MPRIP: variants seen among roughly 807,000 people sequenced by gnomAD.
MPRIP encodes the protein myosin phosphatase Rho interacting protein.
MPRIP carries 59 observed loss-of-function variants against 234.9 expected under a neutral mutation model. The ratio of observed to expected loss-of-function variants is 0.25; its 90% CI spans 0.20 to 0.31. The LOEUF is 0.31. Among genes scored for constraint, MPRIP ranks in the 10% least tolerant of loss-of-function variants. MPRIP has a pLI of 1.00. For missense variants in MPRIP, 2,436 were observed against 3,071.0 expected (o/e 0.79, Z 4.89); for synonymous variants, 1,144 against 1,263.9 (o/e 0.91, Z 2.01).
At chr17:17,057,868 T>C (rs2143900015) in intron 1 of MPRIP, 2 of 591,122 alleles carry the variant, frequency 3.4e-6, no homozygotes, top group Non-Finnish European at 6.0e-6. Context: ...TTTAATAGAA[T>C]GCAATATTGG....
chr17:17,156,575 G>A (rs1356227711), intron 13 of MPRIP, among the ~76,000 whole-genome samples: 2 of 152,242 alleles, frequency 1.3e-5, no homozygotes, highest in South Asian at 2.1e-4. Flanking sequence ...TTGAAGTCCT[G>A]GGGTGGGGAA....
Position 17,187,066 on chromosome 17 carries a change from C to G in MPRIP, c.*2172C>G, listed in dbSNP as rs1311322418. 2 of 152,338 alleles carry G rather than the reference C, an allele frequency of 1.3e-5. No individual in the cohort carries two copies. Among genetic ancestry groups the G allele is most frequent in the African/African-American group, 4.8e-5 (2 of 41,464 alleles). 9.4% of individuals were successfully genotyped at this position (152,338 alleles called of 1,614,324 possible). A position where few individuals can be genotyped will look rare whatever the true frequency, so the allele number is the denominator to read the frequency against. ...CTGGGGGTGGACCCCACTGGCCCTT[C>G]TGCAGACAGCTCCCTGCCTTCTGCC... On this transcript the variant is annotated 3_prime_UTR_variant, in exon 24 of 24. Coordinates refer to ENST00000651222, the MANE Select transcript of MPRIP (RefSeq NM_001364716.4).
At chr17:17,087,541 G>A (rs1424176820) in intron 3 of MPRIP, among the ~76,000 whole-genome samples, 1 of 152,212 alleles carries the variant, frequency 6.6e-6, no homozygotes, top group African/African-American at 2.4e-5. Flanking sequence ...GTCACCCTGG[G>A]TCATTCTGGA....
intron 3 of MPRIP, among the ~76,000 whole-genome samples, chr17:17,113,486 T>C (rs1332064805): frequency 6.6e-6 from 1 of 152,244 alleles, no homozygotes; most frequent in Non-Finnish European, 1.5e-5. Flanking sequence ...CTTTCCTTTT[T>C]ATGGCTGAAT....
intron 23 of MPRIP, 81 bp from the exon 24 acceptor site, chr17:17,184,742 G>A (rs748215826): frequency 1.5e-5 from 16 of 1,035,664 alleles, no homozygotes; most frequent in African/African-American, 6.3e-5. Flanking sequence ...CTCCACCAGC[G>A]GTCCGGTCTG....
rs539217504 is a variant in MPRIP, at chr17:17,061,319, G to C, written c.124-14391G>C. Among the ~76,000 whole-genome samples the C allele has an allele frequency of 3.9e-5, 6 of 152,340 alleles. No homozygotes were observed. In the South Asian group the frequency reaches 1.0e-3, roughly 26 times the overall value. On this transcript the variant is annotated intron_variant, in intron 1 of 23. Transcript: ENST00000651222. ...CATGATTTACAAGCTTAGAAAGAGG[G>C]CCAGACGGCTGCTACCCAGGTATCC...
rs779346979 is a variant in MPRIP at position 17,096,825 on chromosome 17, A to C, written c.267+18749A>C. 66 of 471,000 alleles carry C rather than the reference A, an allele frequency of 1.4e-4. 1 individual carries two copies. Among genetic ancestry groups the C allele is most frequent in the South Asian group, 1.0e-3 (66 of 64,558 alleles). The allele number at this position is 471,000 out of a possible 1,614,324, so 29.2% of individuals were successfully genotyped here. ...GGAAACCACAAGGGAGCTTGGATTCATTCACCCATTGCTGCCTTGCTGTGT... is the reference window on the plus strand; with the variant it reads ...GGAAACCACAAGGGAGCTTGGATTCCTTCACCCATTGCTGCCTTGCTGTGT... On this transcript the variant is annotated intron_variant, in intron 3 of 23. Transcript: ENST00000651222.
At position 17,050,789 on chromosome 17, in the gene MPRIP, A is replaced by AGGGCAGAAGGGAGGAG. The variant is rs1172774834; in HGVS notation, c.123+7820_123+7821insGCAGAAGGGAGGAGGG. On this transcript the variant is annotated intron_variant, in intron 1 of 23. Coordinates refer to ENST00000651222, the MANE Select transcript of MPRIP (RefSeq NM_001364716.4). The stretch of plus-strand genomic sequence containing the variant: ...CAGAGTTTAGGGGCAGAAGGGAGGA[A>AGGGCAGAAGGGAGGAG]GGTCCTTGCCAGGGCCTCAGGCCTG... Among the ~76,000 whole-genome samples, 311 of 152,334 alleles carry AGGGCAGAAGGGAGGAG rather than the reference A, an allele frequency of 2.0e-3. 2 individuals are homozygous for AGGGCAGAAGGGAGGAG. Among genetic ancestry groups the AGGGCAGAAGGGAGGAG allele is most frequent in the South Asian group, 4.8e-3 (23 of 4,832 alleles).
intron 1 of MPRIP, among the ~76,000 whole-genome samples, chr17:17,065,178 G>A (rs1228800555): frequency 1.3e-5 from 2 of 152,084 alleles, no homozygotes; most frequent in African/African-American, 4.8e-5. Context: ...CTAAATACTA[G>A]TATATAGTCT....
rs149130015 is a variant in MPRIP, at chr17:17,098,541, G to A, written c.267+20465G>A. ...TTGAAAGGGTAGGGCTGCCTTTGTC[G>A]GGTCCGGAGGGCTGGCGTGGCATCG... On this transcript the variant is annotated intron_variant, in intron 3 of 23. Coordinates refer to ENST00000651222, the MANE Select transcript of MPRIP (RefSeq NM_001364716.4). 1.8e-4 allele frequency among the ~76,000 whole-genome samples: 27 copies of A among 152,320 alleles called. No individual in the cohort carries two copies. In the East Asian group the frequency reaches 3.1e-3, roughly 17 times the overall value.
chr17:17,078,429 G>T lies in MPRIP; in HGVS notation c.267+353G>T, dbSNP rs1821915366. Among the ~76,000 whole-genome samples the T allele has an allele frequency of 6.6e-6, 1 of 152,262 alleles. No homozygotes were observed. Among genetic ancestry groups the T allele is most frequent in the South Asian group, 2.1e-4 (1 of 4,832 alleles). Reference sequence around the variant, plus strand: ...CAGGCTGTGGACCTGTGGGCGTGGGGCAGGGGCTGGCCCTGGGGCTGGCAC... The same window carrying T: ...CAGGCTGTGGACCTGTGGGCGTGGGTCAGGGGCTGGCCCTGGGGCTGGCAC... On this transcript the variant is annotated intron_variant, in intron 3 of 23. Coordinates refer to ENST00000651222, the MANE Select transcript of MPRIP (RefSeq NM_001364716.4). The surrounding 1 kb of genome is among the most constrained non-coding windows in gnomAD (Gnocchi z 4.3).
chr17:17,068,338 C>CG (rs762199157), intron 1 of MPRIP, among the ~76,000 whole-genome samples: 83 of 151,750 alleles, frequency 5.5e-4, no homozygotes, highest in Admixed American at 1.3e-3. Flanking sequence ...TTAGTAGAGA[C>CG]GGGGTTTCTT....
intron 5 of MPRIP, among the ~76,000 whole-genome samples, chr17:17,133,987 G>A (rs2090646446): frequency 6.6e-6 from 1 of 152,154 alleles, no homozygotes; most frequent in Non-Finnish European, 1.5e-5. Flanking sequence ...CTCCTCTGGT[G>A]GAGCTGAAGG....
rs1190987759 is a variant in MPRIP, at chr17:17,164,784, CAGA to C, written c.3196_3198del (p.Lys1066del). The C allele has an allele frequency of 2.3e-6, 3 of 1,304,064 alleles. No individual in the cohort carries two copies. Among genetic ancestry groups the C allele is most frequent in the African/African-American group, 1.5e-5 (1 of 65,860 alleles). The allele number at this position is 1,304,064 out of a possible 1,614,324, so 80.8% of individuals were successfully genotyped here. A position where few individuals can be genotyped will look rare whatever the true frequency, so the allele number is the denominator to read the frequency against. ...TCAGGCACAGCAGGTGGAGACCCTG[CAGA>C]AGGAGAAGCTGAGCGCCACTTTCGA... On this transcript the variant is annotated inframe_deletion, in exon 16 of 24. Coordinates refer to ENST00000651222, the MANE Select transcript of MPRIP (RefSeq NM_001364716.4).
Position 17,042,661 on chromosome 17 carries a change from TGAGGCCCGGGCGGCTCAG to T in MPRIP, c.-184_-167del, listed in dbSNP as rs2088207078. 1 of 492,350 alleles carries T rather than the reference TGAGGCCCGGGCGGCTCAG, an allele frequency of 2.0e-6. No homozygotes were observed. The highest frequency in any genetic ancestry group is 2.1e-5 in the African/African-American group (1 of 46,902). The allele number at this position is 492,350 out of a possible 1,614,324, so 30.5% of individuals were successfully genotyped here. A position where few individuals can be genotyped will look rare whatever the true frequency, so the allele number is the denominator to read the frequency against. On this transcript the variant is annotated 5_prime_UTR_variant, in exon 1 of 24. Transcript: ENST00000651222. ...CGGGAGCTGGGCGTCGCGCGCGCTG[TGAGGCCCGGGCGGCTCAG>T]GAGCCTCGGCGCGTGCAGCGAACCG...
At chr17:17,170,638 C>T (rs540321919) in intron 16 of MPRIP, among the ~76,000 whole-genome samples, 3 of 152,334 alleles carry the variant, frequency 2.0e-5, no homozygotes, top group Non-Finnish European at 4.4e-5. Context: ...TGCAGGCTAT[C>T]AGCCCAGAGT....
At chr17:17,176,639 G>T (rs182414326) in intron 21 of MPRIP, 127 bp downstream of exon 21, 311 of 749,242 alleles carry the variant, frequency 4.2e-4, no homozygotes, top group Admixed American at 1.3e-3. Context: ...GAGGAAGGAG[G>T]TTTCCAAAAT....
chr17:17,100,696 C>T (rs1015781346), intron 3 of MPRIP, among the ~76,000 whole-genome samples: 11 of 151,962 alleles, frequency 7.2e-5, no homozygotes, highest in Non-Finnish European at 1.6e-4. Context: ...TGTCTCCCAT[C>T]ACCCTCAGAT....
Position 17,180,099 on chromosome 17 carries a change from G to A in MPRIP, c.7206+11G>A. On this transcript the variant is annotated intron_variant, in intron 23 of 23. Coordinates refer to ENST00000651222, the MANE Select transcript of MPRIP (RefSeq NM_001364716.4). ...AACATCAGGTCCAAGGTGAGTCTGGGGTCCAGCCCCCTGGTGGGAGGGGCT... is the reference window on the plus strand; with the variant it reads ...AACATCAGGTCCAAGGTGAGTCTGGAGTCCAGCCCCCTGGTGGGAGGGGCT... 6.4e-7 allele frequency: 1 copy of A among 1,568,534 alleles called. No homozygotes were observed. The highest frequency in any genetic ancestry group is 8.6e-7 in the Non-Finnish European group (1 of 1,163,140).
Sources: allele counts gnomAD v4.1 joint callset (sites outside exome capture counted in the v4.1 genomes callset), GRCh38; gene constraint gnomAD v4.1.1; non-coding constraint Gnocchi (gnomAD v3.1); transcripts MANE v1.5; gene names NCBI Gene and HGNC (gene_info 2026-07-23, HGNC 2026-07-21).